NDC1: variants seen among roughly 807,000 people sequenced by gnomAD.
NDC1 encodes NDC1 transmembrane nucleoporin.
NDC1 carries 24 observed loss-of-function variants against 89.8 expected under a neutral mutation model. That is an observed-to-expected ratio of 0.27 (90% CI 0.19 to 0.38). The LOEUF (loss-of-function observed/expected upper bound fraction) is 0.38. Ranked by LOEUF, NDC1 falls within the 10% of genes least tolerant of loss-of-function variation. NDC1 has a pLI of 1.00. For synonymous variants in NDC1, 296 were observed against 284.8 expected, an observed-to-expected ratio of 1.04 and a Z score of -0.39; for missense variants, 728 against 797.6, an observed-to-expected ratio of 0.91 and a Z score of 1.05.
chr1:53,815,488 C>A (rs1648446439), intron 6 of NDC1, among the ~76,000 whole-genome samples: 1 of 152,174 alleles, frequency 6.6e-6, no homozygotes, highest in Non-Finnish European at 1.5e-5. Flanking sequence ...AAAGCCACAG[C>A]CAACATAACA....
chr1:53,829,815 G>A (rs905607645), intron 3 of NDC1, among the ~76,000 whole-genome samples: 2 of 152,304 alleles, frequency 1.3e-5, no homozygotes, highest in East Asian at 1.9e-4. Flanking sequence ...AAGGAGTTTC[G>A]AATAGGGCTT....
At chr1:53,780,844 C>T (rs1431084409) in intron 16 of NDC1, among the ~76,000 whole-genome samples, 1 of 149,566 alleles carries the variant, frequency 6.7e-6, no homozygotes, top group Non-Finnish European at 1.5e-5. Flanking sequence ...GTATATTTTA[C>T]TAAGTTTAAT....
intron 1 of NDC1, among the ~76,000 whole-genome samples, chr1:53,837,293 C>T (rs190109855): frequency 4.6e-5 from 7 of 152,294 alleles, no homozygotes; most frequent in African/African-American, 1.7e-4. Context: ...ATTTTAGAGG[C>T]CAGGCACGGT....
intron 6 of NDC1, among the ~76,000 whole-genome samples, chr1:53,810,276 G>C (rs1648259608): frequency 6.6e-6 from 1 of 152,136 alleles, no homozygotes; most frequent in Non-Finnish European, 1.5e-5. Context: ...GGAAAGTAGT[G>C]CTTGCTTCAG....
intron 3 of NDC1, 134 bp from the exon 4 acceptor site, chr1:53,828,307 C>T (rs1368872755): frequency 1.4e-6 from 1 of 738,568 alleles, no homozygotes; most frequent in African/African-American, 1.8e-5. Flanking sequence ...AAATACAATA[C>T]AGAAAAATTT....
chr1:53,776,942 G>A (rs1008810180), intron 16 of NDC1, among the ~76,000 whole-genome samples: 4 of 152,050 alleles, frequency 2.6e-5, no homozygotes, highest in Non-Finnish European at 4.4e-5. Flanking sequence ...TAGTGAAAAT[G>A]TACAATCACT....
At chr1:53,779,163 T>C (rs979146938) in intron 16 of NDC1, among the ~76,000 whole-genome samples, 1 of 131,912 alleles carries the variant, frequency 7.6e-6, no homozygotes, top group Non-Finnish European at 1.6e-5. Flanking sequence ...AACATAGGAA[T>C]AATGACAACA....
chr1:53,776,280 A>G lies in NDC1; in HGVS notation c.1801-3791T>C, dbSNP rs563549439. Among the ~76,000 whole-genome samples, 327 of 152,092 alleles carry G rather than the reference A, an allele frequency of 2.2e-3. 1 individual carries two copies. The highest frequency in any genetic ancestry group is 3.5e-3 in the Non-Finnish European group (236 of 67,992). On this transcript the variant is annotated intron_variant, in intron 16 of 17. Transcript: ENST00000371429. ...TCCTGAAATTCCTCTTATATGATCA[A>G]TTTCACCATCATCATTAAAGTCTAG...
At chr1:53,810,483 A>C (rs1341425787) in intron 6 of NDC1, among the ~76,000 whole-genome samples, 2 of 152,196 alleles carry the variant, frequency 1.3e-5, no homozygotes, top group African/African-American at 4.8e-5. Context: ...CTGAAAACGA[A>C]ATTTGAATTG....
chr1:53,774,929 T>A (rs186757502), intron 16 of NDC1, among the ~76,000 whole-genome samples: 12 of 152,150 alleles, frequency 7.9e-5, no homozygotes, highest in African/African-American at 2.9e-4. Context: ...AAAATGAAAA[T>A]AAGAATATAA....
intron 2 of NDC1, among the ~76,000 whole-genome samples, chr1:53,834,185 T>C (rs558582471): frequency 6.6e-6 from 1 of 152,294 alleles, no homozygotes; most frequent in African/African-American, 2.4e-5. Context: ...GCAGAGAAAG[T>C]GTGATGAGGA....
At chr1:53,786,820 C>T (rs1393615556) in intron 16 of NDC1, among the ~76,000 whole-genome samples, 1 of 152,132 alleles carries the variant, frequency 6.6e-6, no homozygotes, top group East Asian at 1.9e-4. Context: ...CCTCGGGCTC[C>T]TGAGTAGCTG....
At chr1:53,770,725 G>T (rs1003171061) in intron 17 of NDC1, among the ~76,000 whole-genome samples, 5 of 152,028 alleles carry the variant, frequency 3.3e-5, no homozygotes, top group African/African-American at 1.2e-4. Context: ...CACGATCTCG[G>T]CTCACTGCAA....
chr1:53,824,851 C>G (rs1648792448), intron 5 of NDC1, among the ~76,000 whole-genome samples: 1 of 152,142 alleles, frequency 6.6e-6, no homozygotes, highest in Admixed American at 6.5e-5. Flanking sequence ...ACTTGCACAT[C>G]CCCAAACTCA....
chr1:53,821,170 A>G (rs1398692891), intron 5 of NDC1, among the ~76,000 whole-genome samples: 1 of 152,132 alleles, frequency 6.6e-6, no homozygotes, highest in Non-Finnish European at 1.5e-5. Flanking sequence ...GCAGTGGCTC[A>G]TGCCTGTAAT....
At chr1:53,810,206 G>C (rs1648257639) in intron 6 of NDC1, among the ~76,000 whole-genome samples, 1 of 152,120 alleles carries the variant, frequency 6.6e-6, no homozygotes, top group Non-Finnish European at 1.5e-5. Flanking sequence ...TAGTTGTGTT[G>C]CCTCCTTGTT....
At chr1:53,793,516 C>G (rs112240790) in intron 13 of NDC1, among the ~76,000 whole-genome samples, 3 of 152,250 alleles carry the variant, frequency 2.0e-5, no homozygotes, top group African/African-American at 7.2e-5. Flanking sequence ...CACGTTTAAC[C>G]CCCAAATTAG....
intron 6 of NDC1, 135 bp from the exon 7 acceptor site, chr1:53,809,881 T>C: frequency 1.5e-6 from 1 of 666,618 alleles, no homozygotes; most frequent in Non-Finnish European, 2.7e-6. Flanking sequence ...TTATTAGGAA[T>C]GAGTAGGAAA....
chr1:53,834,473 T>C (rs1379010580), intron 2 of NDC1, among the ~76,000 whole-genome samples: 1 of 152,200 alleles, frequency 6.6e-6, no homozygotes, highest in African/African-American at 2.4e-5. Context: ...CCAAAGGTCA[T>C]GGGTAAAGAG....
Sources: gnomAD v4.1 joint callset for allele counts (sites outside exome capture counted in the v4.1 genomes callset) on GRCh38, gnomAD v4.1.1 for gene constraint, MANE v1.5 for transcripts, NCBI Gene and HGNC (gene_info 2026-07-23, HGNC 2026-07-21) for gene names.